GRM1: variants seen among roughly 807,000 people sequenced by gnomAD.
GRM1 encodes the protein glutamate metabotropic receptor 1.
Under a neutral mutation model 90.9 loss-of-function variants are expected in GRM1, and 33 were observed. That is an observed-to-expected ratio of 0.36 (90% confidence interval 0.28 to 0.49). The LOEUF is 0.49. Among genes scored for constraint, GRM1 ranks in the 20% least tolerant of loss-of-function variants. The pLI, the probability that GRM1 is intolerant of heterozygous loss-of-function variation, is 0.99. For synonymous variants in GRM1, 700 were observed against 613.2 expected (o/e 1.14, Z -2.09); for missense variants, 1,190 against 1,534.3 (o/e 0.78, Z 3.75).
At chr6:146,260,817 T>G (rs1583236589) in intron 2 of GRM1, among the ~76,000 whole-genome samples, 1 of 137,766 alleles carries the variant, frequency 7.3e-6, no homozygotes, top group African/African-American at 2.8e-5. Flanking sequence ...TTTTTTTTTT[T>G]TTTTTTTTTT....
intron 1 of GRM1, among the ~76,000 whole-genome samples, chr6:146,080,422 G>A (rs1776324906): frequency 6.6e-6 from 1 of 152,128 alleles, no homozygotes; most frequent in Non-Finnish European, 1.5e-5. Context: ...CTAATGCCTA[G>A]GTCCTGGGGA....
At chr6:146,061,808 C>T (rs1158604423) in intron 1 of GRM1, among the ~76,000 whole-genome samples, 1 of 151,888 alleles carries the variant, frequency 6.6e-6, no homozygotes, top group Non-Finnish European at 1.5e-5. Context: ...CCATCTCATG[C>T]CAGTTAGAAT....
At chr6:146,179,536 C>T (rs189350029) in intron 2 of GRM1, among the ~76,000 whole-genome samples, 9 of 152,188 alleles carry the variant, frequency 5.9e-5, no homozygotes, top group African/African-American at 9.7e-5. Context: ...TGTTCTGAGA[C>T]GGAGTTTCGC....
chr6:146,220,451 G>A (rs1338708821), intron 2 of GRM1, among the ~76,000 whole-genome samples: 1 of 152,062 alleles, frequency 6.6e-6, no homozygotes, highest in Non-Finnish European at 1.5e-5. Flanking sequence ...ATGTGCAAGA[G>A]TGTGAGTTCC....
chr6:146,171,622 AT>A (rs1048173462), intron 2 of GRM1: 3 of 258,622 alleles, frequency 1.2e-5, no homozygotes, highest in Non-Finnish European at 2.5e-5. Flanking sequence ...GGGGGGGTGA[AT>A]TTTTTCTCCT....
intron 1 of GRM1, among the ~76,000 whole-genome samples, chr6:146,092,279 C>T (rs1389997659): frequency 6.6e-6 from 1 of 151,948 alleles, no homozygotes. Flanking sequence ...ATTGTCAGGA[C>T]ACTAATTCCA....
intron 1 of GRM1, among the ~76,000 whole-genome samples, chr6:146,155,857 C>T (rs1381928445): frequency 2.6e-5 from 4 of 152,150 alleles, no homozygotes; most frequent in Non-Finnish European, 4.4e-5. Flanking sequence ...CATTTTATTC[C>T]AAACATGTTG....
At chr6:146,224,380 A>T (rs1423477891) in intron 2 of GRM1, among the ~76,000 whole-genome samples, 1 of 152,114 alleles carries the variant, frequency 6.6e-6, no homozygotes, top group Non-Finnish European at 1.5e-5. Context: ...AGCTAAGTAC[A>T]ACTTGCTAAA....
rs557491401 is a variant in GRM1, at chr6:146,045,820, C to T, written c.700+15603C>T. On this transcript the variant is annotated intron_variant, in intron 1 of 7. Coordinates refer to ENST00000282753, the MANE Select transcript of GRM1 (RefSeq NM_001278064.2). ...TTTGTGGGTAGACTCTACTTATTAT[C>T]ACTCTTCCCTTTTTCCCTTTTTAAT... 6.8e-5 allele frequency among the ~76,000 whole-genome samples: 10 copies of T among 146,914 alleles called. No homozygotes were observed. In the East Asian group the frequency reaches 1.0e-3, roughly 15 times the overall value.
intron 4 of GRM1, among the ~76,000 whole-genome samples, chr6:146,353,020 G>A (rs968516566): frequency 6.6e-6 from 1 of 152,132 alleles, no homozygotes; most frequent in Non-Finnish European, 1.5e-5. Flanking sequence ...GAGCAAGAAA[G>A]GAAACAACTT....
At chr6:146,335,910 A>G (rs1784756750) in intron 3 of GRM1, among the ~76,000 whole-genome samples, 1 of 152,154 alleles carries the variant, frequency 6.6e-6, no homozygotes, top group Admixed American at 6.5e-5. Context: ...TTCTGGTGAT[A>G]GTGAACAAGC....
At chr6:146,136,089 A>G (rs1001867523) in intron 1 of GRM1, among the ~76,000 whole-genome samples, 4 of 152,146 alleles carry the variant, frequency 2.6e-5, no homozygotes, top group Non-Finnish European at 5.9e-5. Context: ...AGTTCCATTC[A>G]TGTTGTTGGA....
At position 146,399,982 on chromosome 6, in the gene GRM1, G is replaced by A. The variant is rs1777099487; in HGVS notation, c.2660+283G>A. On this transcript the variant is annotated intron_variant, in intron 7 of 7. Coordinates refer to ENST00000282753, the MANE Select transcript of GRM1 (RefSeq NM_001278064.2). The surrounding 1 kb of genome is among the most constrained non-coding windows in gnomAD (Gnocchi z 5.4). ...TCTTTATTCTTGCCTAGAAGCGGAA[G>A]CTTCGGTTCTGCCAGTAACTTACCC... 6.6e-6 allele frequency among the ~76,000 whole-genome samples: 1 copy of A among 152,220 alleles called. No homozygotes were observed. Among genetic ancestry groups the A allele is most frequent in the Admixed American group, 6.5e-5 (1 of 15,282 alleles).
At position 146,434,825 on chromosome 6, in the gene GRM1, A is replaced by C; in HGVS notation, c.*29A>C. 1 of 1,567,910 alleles carries C rather than the reference A, an allele frequency of 6.4e-7. No individual in the cohort carries two copies. Among genetic ancestry groups the C allele is most frequent in the East Asian group, 2.2e-5 (1 of 44,694 alleles). On this transcript the variant is annotated 3_prime_UTR_variant, in exon 8 of 8. Coordinates refer to ENST00000282753, the MANE Select transcript of GRM1 (RefSeq NM_001278064.2). ...GGAAGGGTCCACATAGAAAAGCAAG[A>C]CAAGCCAGAGATCTCCCACACCTCC...
intron 3 of GRM1, among the ~76,000 whole-genome samples, chr6:146,351,680 T>C (rs753552512): frequency 1.3e-5 from 2 of 152,112 alleles, no homozygotes; most frequent in Non-Finnish European, 2.9e-5. Flanking sequence ...AACTAGCAAA[T>C]CTGATTTAAA....
chr6:146,352,757 T>C (rs554422104), intron 4 of GRM1, among the ~76,000 whole-genome samples: 1 of 152,162 alleles, frequency 6.6e-6, no homozygotes, highest in Non-Finnish European at 1.5e-5. Flanking sequence ...CACTTGACCC[T>C]TTTTCCAGAA....
intron 5 of GRM1, among the ~76,000 whole-genome samples, chr6:146,371,982 G>A (rs1302610371): frequency 6.6e-6 from 1 of 152,036 alleles, no homozygotes; most frequent in Non-Finnish European, 1.5e-5. Flanking sequence ...ACTTAGCAGT[G>A]TCATTGCTGG....
Position 146,434,571 on chromosome 6 carries a change from A to C in GRM1, c.3360A>C (p.Glu1120Asp). The C allele has an allele frequency of 1.9e-6, 3 of 1,614,066 alleles. No individual in the cohort carries two copies. The highest frequency in any genetic ancestry group is 2.5e-6 in the Non-Finnish European group (3 of 1,180,000). ...AGCACGAGCGGGAAGGGAACACGGA[A>C]GAAGACGAACTGGAAGAGGAGGAGG... is the stretch of plus-strand genomic sequence containing the variant. The part of the protein sequence containing the change: ...VYEHEREGNT[E>D]EDELEEEEED... The change falls in exon 8 of 8, where the codon GAA becomes GAC. Residue 1120 changes from glutamate to aspartate, a missense_variant. By Grantham distance (45) the Glu-to-Asp change is conservative. Around this residue, in one of 10 missense-constraint regions of GRM1, gnomAD observed 400 missense variants for 360.8 expected, o/e 1.11. Coordinates refer to ENST00000282753, the MANE Select transcript of GRM1 (RefSeq NM_001278064.2).
chr6:146,298,036 G>T (rs1350311867), intron 2 of GRM1, among the ~76,000 whole-genome samples: 2 of 152,076 alleles, frequency 1.3e-5, no homozygotes, highest in East Asian at 3.9e-4. Context: ...TCATTGCAAT[G>T]ACACTGCAAC....
Sources: gnomAD v4.1 joint callset for allele counts (sites outside exome capture counted in the v4.1 genomes callset) on GRCh38, gnomAD v4.1.1 for gene constraint, gnomAD v4.1.1 regional missense constraint, Gnocchi (gnomAD v3.1) non-coding constraint, MANE v1.5 for transcripts, NCBI Gene and HGNC (gene_info 2026-07-23, HGNC 2026-07-21) for gene names.